The following NDST1 variants were observed in gnomAD, a reference collection of about 807,000 sequenced individuals.
The protein encoded by NDST1 is N-deacetylase and N-sulfotransferase 1.
Under a neutral mutation model 92.8 loss-of-function variants are expected in NDST1, and 35 were observed. That is an observed-to-expected ratio of 0.38 (90% CI 0.29 to 0.50). The LOEUF (loss-of-function observed/expected upper bound fraction) is 0.50. NDST1 is among the 20% of genes least tolerant of loss of function. NDST1 has a pLI of 0.94. For missense variants in NDST1, 822 were observed against 1,182.7 expected (o/e 0.69, Z 4.47); for synonymous variants, 493 against 500.3 (o/e 0.99, Z 0.19).
intron 11 of NDST1, among the ~76,000 whole-genome samples, chr5:150,546,221 C>T (rs1362112429): frequency 6.6e-6 from 1 of 152,138 alleles, no homozygotes; most frequent in Admixed American, 6.5e-5. Flanking sequence ...TGGTCTCAAA[C>T]TCCTGACCTC....
intron 1 of NDST1, among the ~76,000 whole-genome samples, chr5:150,498,953 A>G (rs1753114093): frequency 6.6e-6 from 1 of 152,128 alleles, no homozygotes; most frequent in South Asian, 2.1e-4. Flanking sequence ...GTTCCTGCCT[A>G]TGGCCTCTGA....
chr5:150,528,700 C>G (rs1754582655), intron 3 of NDST1, among the ~76,000 whole-genome samples: 1 of 152,144 alleles, frequency 6.6e-6, no homozygotes, highest in South Asian at 2.1e-4. Flanking sequence ...GAGGCTGAGG[C>G]AGGAGAATCG....
upstream of NDST1, among the ~76,000 whole-genome samples, chr5:150,506,260 C>T (rs1264000661): frequency 1.3e-5 from 2 of 152,204 alleles, no homozygotes; most frequent in Non-Finnish European, 2.9e-5. Context: ...TAGGCACACG[C>T]CACTACGCTG....
intron 3 of NDST1, among the ~76,000 whole-genome samples, chr5:150,530,621 T>C (rs1433330712): frequency 4.7e-5 from 7 of 148,752 alleles, no homozygotes; most frequent in African/African-American, 1.8e-4. Flanking sequence ...TGGAGTGCAG[T>C]GGCGGGATCA....
chr5:150,535,998 C>T (rs1754967318), intron 6 of NDST1, 113 bp downstream of exon 6: 1 of 1,298,952 alleles, frequency 7.7e-7, no homozygotes, highest in Non-Finnish European at 1.1e-6. Context: ...TTAGGGGTTG[C>T]AGATCAGCTT....
chr5:150,525,228 C>T (rs1754418480), intron 2 of NDST1, among the ~76,000 whole-genome samples: 1 of 152,218 alleles, frequency 6.6e-6, no homozygotes, highest in African/African-American at 2.4e-5. Context: ...CCTCTATTCC[C>T]TTCTTGCCTG....
intron 1 of NDST1, among the ~76,000 whole-genome samples, chr5:150,519,551 G>T (rs1046854453): frequency 2.0e-5 from 3 of 152,168 alleles, no homozygotes. Context: ...CTACTGGCAT[G>T]GTGGCTCATG....
rs1405925053 is a variant in NDST1, at chr5:150,554,782, C to T, written c.*1450C>T. ...GAGAGCTGGGATGCCCACCAAGGCC[C>T]ACAGAACTGTCTCCAGGCCCTTGTA... On this transcript the variant is annotated 3_prime_UTR_variant, in exon 15 of 15. Coordinates refer to ENST00000261797, the MANE Select transcript of NDST1 (RefSeq NM_001543.5). 1 of 152,772 alleles carries T rather than the reference C, an allele frequency of 6.5e-6. No individual in the cohort carries two copies. Among genetic ancestry groups the T allele is most frequent in the African/African-American group, 2.4e-5 (1 of 41,426 alleles). 9.5% of individuals were successfully genotyped at this position (152,772 alleles called of 1,614,324 possible). A position where few individuals can be genotyped will look rare whatever the true frequency, so the allele number is the denominator to read the frequency against.
intron 1 of NDST1, among the ~76,000 whole-genome samples, chr5:150,511,421 T>C (rs1195338291): frequency 6.6e-6 from 1 of 152,092 alleles, no homozygotes; most frequent in Non-Finnish European, 1.5e-5. Flanking sequence ...ATCAGGACTT[T>C]AGAAATCCAG....
In NDST1 at chr5:150,534,992, C is replaced by A; in HGVS notation, c.1222C>A (p.Gln408Lys). 1 of 1,614,272 alleles carries A rather than the reference C, an allele frequency of 6.2e-7. No homozygotes were observed. The highest frequency in any genetic ancestry group is 8.5e-7 in the Non-Finnish European group (1 of 1,180,046). ...LFHNQSVLAE[Q>K]MALNKKFAVE... is the part of the protein sequence containing the mutation. ...CCACAACCAGTCCGTGTTGGCCGAG[C>A]AGATGGCCTTGAACAAGAAGTTCGC... Residue 408 changes from glutamine (Q) to lysine (K), a missense_variant, in exon 5 of 15, where the codon CAG becomes AAG. Coordinates refer to ENST00000261797, the MANE Select transcript of NDST1 (RefSeq NM_001543.5).
chr5:150,522,984 G>A (rs149924568), intron 2 of NDST1, among the ~76,000 whole-genome samples: 2 of 152,338 alleles, frequency 1.3e-5, no homozygotes, highest in Non-Finnish European at 2.9e-5. Context: ...GCCTGTGTCC[G>A]CTGCTGGGTG....
At chr5:150,515,139 G>A (rs114885201) in intron 1 of NDST1, among the ~76,000 whole-genome samples, 221 of 152,318 alleles carry the variant, frequency 1.5e-3, no homozygotes, top group African/African-American at 5.2e-3. Flanking sequence ...CAGGAAGCCA[G>A]ATGAAGGAAA....
In NDST1 at chr5:150,521,478, C is replaced by G. The variant is rs563878275; in HGVS notation, c.224C>G (p.Ala75Gly). 2 of 1,613,996 alleles carry G rather than the reference C, an allele frequency of 1.2e-6. No individual in the cohort carries two copies. Among genetic ancestry groups the G allele is most frequent in the South Asian group, 2.2e-5 (2 of 91,092 alleles). The change falls in exon 2 of 15, where the codon GCA (alanine) becomes GGA (glycine). Residue 75 changes from alanine (A) to glycine (G), a missense_variant. Coordinates refer to ENST00000261797, the MANE Select transcript of NDST1 (RefSeq NM_001543.5). This position sits in a 1 kb window ranked among gnomAD's most constrained non-coding sequence, Gnocchi z 5.9. ...CTGCTGCCACTCAAGCCTGTGCAGG[C>G]AGCCACCCCTTCCCGCACAGACCCG... The part of the protein sequence containing the change: ...SRLLPLKPVQ[A>G]ATPSRTDPLV...
chr5:150,528,852 G>A lies in NDST1; in HGVS notation c.1008+554G>A, dbSNP rs900192836. Among the ~76,000 whole-genome samples, 13 of 152,138 alleles carry A rather than the reference G, an allele frequency of 8.5e-5. 1 individual carries two copies. The highest frequency in any genetic ancestry group is 4.6e-4 in the Admixed American group (7 of 15,278). Reference sequence around the variant, plus strand: ...TGAAGTATTGAATATGAGGAATTTTGCATCTGGAATGTGGAGTTTAAGTTT... The same window carrying A: ...TGAAGTATTGAATATGAGGAATTTTACATCTGGAATGTGGAGTTTAAGTTT... On this transcript the variant is annotated intron_variant, in intron 3 of 14. Coordinates refer to ENST00000261797, the MANE Select transcript of NDST1 (RefSeq NM_001543.5).
rs1300715804 is a variant in NDST1 at position 150,521,667 on chromosome 5, A to G, written c.413A>G (p.Tyr138Cys). Residue 138 changes from tyrosine to cysteine, a missense_variant, in exon 2 of 15, where the codon TAT becomes TGT. Transcript: ENST00000261797. This position sits in a 1 kb window ranked among gnomAD's most constrained non-coding sequence, Gnocchi z 5.9. Reference sequence around the variant, plus strand: ...CGTGGCCGCTTCGCCCTCATCATCTATGAGAACATCCTCAAGTATGTCAAC... The same window carrying G: ...CGTGGCCGCTTCGCCCTCATCATCTGTGAGAACATCCTCAAGTATGTCAAC... The part of the protein sequence containing the change: ...KGRGRFALII[Y>C]ENILKYVNLD... 3 of 1,613,954 alleles carry G rather than the reference A, an allele frequency of 1.9e-6. No homozygotes were observed. The highest frequency in any genetic ancestry group is 8.5e-7 in the Non-Finnish European group (1 of 1,180,030).
At chr5:150,506,350 C>T (rs1010198817), upstream of NDST1, among the ~76,000 whole-genome samples, 1 of 152,166 alleles carries the variant, frequency 6.6e-6, no homozygotes, top group African/African-American at 2.4e-5. Flanking sequence ...TGGTCTCAAA[C>T]TCCTGGGTCA....
chr5:150,539,516 G>T, intron 7 of NDST1, 160 bp downstream of exon 7: 1 of 1,527,336 alleles, frequency 6.5e-7, no homozygotes, highest in South Asian at 1.2e-5. Flanking sequence ...TGCCTCGGCT[G>T]TGTGACCTTG....
upstream of NDST1, among the ~76,000 whole-genome samples, chr5:150,504,642 C>T (rs1753369227): frequency 6.6e-6 from 1 of 152,216 alleles, no homozygotes; most frequent in Admixed American, 6.5e-5. Flanking sequence ...CCAGTCTGAA[C>T]TCTGTTTGGA....
In NDST1 at chr5:150,548,329, G is replaced by C; in HGVS notation, c.2257G>C (p.Val753Leu). Residue 753 changes from valine to leucine, a missense_variant, in exon 12 of 15, where the codon GTC (valine) becomes CTC (leucine). Val to Leu is a conservative substitution (Grantham distance 32). Transcript: ENST00000261797. ...GCGTGCCCTCCAGAACCGCTGCCTG[G>C]TCCCTGGCTGGTACGCCACCCACAT... ...KLRALQNRCL[V>L]PGWYATHIER... is the part of the protein sequence containing the mutation. 6.2e-7 allele frequency: 1 copy of C among 1,614,002 alleles called. No individual in the cohort carries two copies. The highest frequency in any genetic ancestry group is 8.5e-7 in the Non-Finnish European group (1 of 1,180,026).
Sources: allele counts gnomAD v4.1 joint callset (sites outside exome capture counted in the v4.1 genomes callset), GRCh38; gene constraint gnomAD v4.1.1; non-coding constraint Gnocchi (gnomAD v3.1); transcripts MANE v1.5; gene names NCBI Gene and HGNC (gene_info 2026-07-23, HGNC 2026-07-21).